Variants in ABHD12 observed in about 807,000 individuals in gnomAD.
The protein encoded by ABHD12 is abhydrolase domain containing 12, lysophospholipase.
ABHD12 carries 43 observed loss-of-function variants against 58.3 expected under a neutral mutation model. That is an observed-to-expected ratio of 0.74 (90% CI 0.58 to 0.95). The LOEUF is 0.95. ABHD12 is among the 40% of genes least tolerant of loss of function. ABHD12 has a pLI of 0.00. For missense variants in ABHD12, 539 were observed against 537.2 expected (o/e 1.00, Z -0.03); for synonymous variants, 219 against 211.2 (o/e 1.04, Z -0.32).
chr20:25,340,568 CA>C (rs2089441872), intron 1 of ABHD12, among the ~76,000 whole-genome samples: 1 of 152,210 alleles, frequency 6.6e-6, no homozygotes, highest in African/African-American at 2.4e-5. Flanking sequence ...GAAAGAGTGC[CA>C]GGGGCACACC....
At chr20:25,371,855 G>C (rs1226342914) in intron 1 of ABHD12, among the ~76,000 whole-genome samples, 1 of 152,182 alleles carries the variant, frequency 6.6e-6, no homozygotes, top group Non-Finnish European at 1.5e-5. Flanking sequence ...TGGTCCCCTA[G>C]ATTTTTAATG....
chr20:25,355,999 C>T lies in ABHD12; in HGVS notation c.192-16648G>A, dbSNP rs1364285989. Among the ~76,000 whole-genome samples the T allele has an allele frequency of 7.9e-5, 12 of 152,300 alleles. No individual in the cohort carries two copies. The East Asian group carries it at 2.3e-3, about 29-fold the overall frequency. On this transcript the variant is annotated intron_variant, in intron 1 of 12. Transcript: ENST00000339157. ...ATAATAGGAGGTACTGATGGACAGA[C>T]ACAGAGTCCTTTCCTGAGAGAACAA...
intron 1 of ABHD12, among the ~76,000 whole-genome samples, chr20:25,351,998 T>C (rs2089606366): frequency 6.6e-6 from 1 of 152,234 alleles, no homozygotes; most frequent in Non-Finnish European, 1.5e-5. Context: ...TTTTATTTTA[T>C]TTTTATTTTT....
chr20:25,378,697 C>A (rs1404680819), intron 1 of ABHD12, among the ~76,000 whole-genome samples: 5 of 139,658 alleles, frequency 3.6e-5, no homozygotes, highest in Non-Finnish European at 7.7e-5. Context: ...ATAATTTGAA[C>A]TTTTTTTTTT....
At chr20:25,295,672 T>G, downstream of ABHD12, 1 of 1,612,690 alleles carries the variant, frequency 6.2e-7, no homozygotes, top group African/African-American at 1.3e-5. Flanking sequence ...CTGTACCGGG[T>G]GAGGCTCCTG....
chr20:25,388,453 G>A (rs1000630524), intron 1 of ABHD12, among the ~76,000 whole-genome samples: 1 of 152,160 alleles, frequency 6.6e-6, no homozygotes, highest in African/African-American at 2.4e-5. Context: ...TAACAAGGTC[G>A]ACAGGAGTGG....
chr20:25,351,454 A>G (rs566960021), intron 1 of ABHD12, among the ~76,000 whole-genome samples: 28 of 152,328 alleles, frequency 1.8e-4, no homozygotes, highest in African/African-American at 6.7e-4. Flanking sequence ...GTTCCCATTG[A>G]AATAACTGCA....
chr20:25,323,149 T>C (rs2089111728), intron 3 of ABHD12, among the ~76,000 whole-genome samples, 176 bp downstream of exon 3: 2 of 152,248 alleles, frequency 1.3e-5, no homozygotes, highest in African/African-American at 4.8e-5. Context: ...TTTAAAGCCA[T>C]TGAATCCCTC....
intron 1 of ABHD12, among the ~76,000 whole-genome samples, chr20:25,365,180 CAT>C (rs2089803284): frequency 6.6e-6 from 1 of 152,212 alleles, no homozygotes; most frequent in African/African-American, 2.4e-5. Flanking sequence ...TGAAAAAGGT[CAT>C]ATGTTTACAT....
chr20:25,300,627 C>T lies in ABHD12; in HGVS notation c.*218G>A, dbSNP rs2088617856. ...GAGGGGCGGCAAGGAGAGCCACATG[C>T]CTGCCACCCACGCTTTCCACACAGC... On this transcript the variant is annotated 3_prime_UTR_variant, in exon 13 of 13. Transcript: ENST00000339157. The T allele has an allele frequency of 1.4e-6, 2 of 1,450,446 alleles. No homozygotes were observed. The highest frequency in any genetic ancestry group is 1.8e-6 in the Non-Finnish European group (2 of 1,107,144). 89.8% of individuals were successfully genotyped at this position (1,450,446 alleles called of 1,614,324 possible).
chr20:25,319,988 G>A (rs1056488162), intron 4 of ABHD12, among the ~76,000 whole-genome samples: 4 of 152,212 alleles, frequency 2.6e-5, no homozygotes, highest in South Asian at 2.1e-4. Context: ...TCATGTAAAC[G>A]TCACCTAAAC....
intron 6 of ABHD12, among the ~76,000 whole-genome samples, chr20:25,311,352 G>A (rs2088846140): frequency 6.6e-6 from 1 of 152,224 alleles, no homozygotes; most frequent in Non-Finnish European, 1.5e-5. Context: ...CAGAAGGGCT[G>A]TGAGCCAAGG....
downstream of ABHD12, among the ~76,000 whole-genome samples, chr20:25,298,843 G>C (rs908507667): frequency 6.6e-6 from 1 of 152,190 alleles, no homozygotes; most frequent in African/African-American, 2.4e-5. Context: ...CTCAGACCTG[G>C]TCGTGCAGGG....
chr20:25,336,522 T>C (rs1600818692), intron 2 of ABHD12, among the ~76,000 whole-genome samples: 1 of 152,198 alleles, frequency 6.6e-6, no homozygotes, highest in African/African-American at 2.4e-5. Flanking sequence ...TCCTGTAATG[T>C]TGAATGGATG....
At chr20:25,363,709 T>C (rs2089783155) in intron 1 of ABHD12, among the ~76,000 whole-genome samples, 1 of 151,736 alleles carries the variant, frequency 6.6e-6, no homozygotes. Context: ...TCCACTAAAA[T>C]ACAAAATTAG....
intron 1 of ABHD12, among the ~76,000 whole-genome samples, 197 bp downstream of exon 1, chr20:25,390,316 G>A (rs1600899000): frequency 1.3e-5 from 2 of 152,290 alleles, no homozygotes; most frequent in East Asian, 3.9e-4. Flanking sequence ...CGCTCCCGCC[G>A]CGGTGCCTGG....
chr20:25,351,858 A>G lies in ABHD12; in HGVS notation c.192-12507T>C, dbSNP rs2089604551. On this transcript the variant is annotated intron_variant, in intron 1 of 12. Coordinates refer to ENST00000339157, the MANE Select transcript of ABHD12 (RefSeq NM_001042472.3). ...GGAGGTTGAGGTGAGCTGAGATTGC[A>G]CCGTTGCATCCCAGCCTGGGCAACA... 2.0e-5 allele frequency among the ~76,000 whole-genome samples: 3 copies of G among 152,138 alleles called. No homozygotes were observed. In the South Asian group the frequency reaches 6.2e-4, roughly 32 times the overall value.
intron 1 of ABHD12, among the ~76,000 whole-genome samples, chr20:25,377,124 C>G (rs965629846): frequency 1.8e-4 from 28 of 152,200 alleles, no homozygotes; most frequent in African/African-American, 6.8e-4. Flanking sequence ...CCCAGCTGGC[C>G]TGTACTGGCC....
intron 6 of ABHD12, among the ~76,000 whole-genome samples, chr20:25,309,993 G>A (rs141840254): frequency 1.3e-4 from 20 of 152,338 alleles, no homozygotes; most frequent in Admixed American, 4.6e-4. Context: ...GGGCAGGGGA[G>A]TGAGCTCACT....
Sources: gnomAD v4.1 joint callset for allele counts (sites outside exome capture counted in the v4.1 genomes callset) on GRCh38, gnomAD v4.1.1 for gene constraint, MANE v1.5 for transcripts, NCBI Gene and HGNC (gene_info 2026-07-23, HGNC 2026-07-21) for gene names.